PTGER3: variants seen among roughly 807,000 people sequenced by gnomAD.
The protein encoded by PTGER3 is prostaglandin E receptor 3, also known as prostaglandin E2 receptor EP3 subtype.
A neutral mutation model predicts 34.7 loss-of-function variants in PTGER3; 22 were observed. That is an observed-to-expected ratio of 0.63 (90% CI 0.45 to 0.91). The LOEUF (loss-of-function observed/expected upper bound fraction) is 0.91, where lower values mean the gene tolerates loss of function less well. PTGER3 is among the 40% of genes least tolerant of loss of function. The pLI, the probability that PTGER3 is intolerant of heterozygous loss-of-function variation, is 0.00. For missense variants in PTGER3, 468 were observed against 519.4 expected, an observed-to-expected ratio of 0.90 and a Z score of 0.96; for synonymous variants, 241 against 230.1, an observed-to-expected ratio of 1.05 and a Z score of -0.43.
At chr1:70,937,372 G>A (rs1649323824) in intron 4 of PTGER3, among the ~76,000 whole-genome samples, 1 of 152,188 alleles carries the variant, frequency 6.6e-6, no homozygotes, top group African/African-American at 2.4e-5. Flanking sequence ...CGGGCACTAG[G>A]TGTGGGGTTA....
intron 1 of PTGER3, among the ~76,000 whole-genome samples, chr1:71,037,616 T>C (rs1277315730): frequency 6.6e-6 from 1 of 152,172 alleles, no homozygotes; most frequent in Non-Finnish European, 1.5e-5. Flanking sequence ...ATATCTGAAA[T>C]AGTATGTCCA....
chr1:70,963,792 C>T (rs1050772642), intron 2 of PTGER3, among the ~76,000 whole-genome samples: 3 of 152,120 alleles, frequency 2.0e-5, no homozygotes, highest in Non-Finnish European at 2.9e-5. Flanking sequence ...ACATTGGGCT[C>T]CTGGTTACTT....
intron 4 of PTGER3, among the ~76,000 whole-genome samples, chr1:70,927,479 G>A (rs992728633): frequency 1.4e-4 from 22 of 152,268 alleles, no homozygotes; most frequent in Admixed American, 9.8e-4. Context: ...GGAATACCGT[G>A]ATAGAGAGGA....
chr1:70,944,699 T>C (rs534201200), intron 4 of PTGER3, among the ~76,000 whole-genome samples: 9 of 152,212 alleles, frequency 5.9e-5, no homozygotes, highest in African/African-American at 1.7e-4. Context: ...AAGTGGATGC[T>C]CAAGAACTTT....
intron 2 of PTGER3, among the ~76,000 whole-genome samples, chr1:70,955,397 A>C: frequency 6.6e-6 from 1 of 152,176 alleles, no homozygotes; most frequent in Admixed American, 6.5e-5. Flanking sequence ...TTCTAGAAAT[A>C]ACCTGATTCT....
At chr1:70,963,602 C>T (rs1438534351) in intron 2 of PTGER3, among the ~76,000 whole-genome samples, 8 of 152,196 alleles carry the variant, frequency 5.3e-5, no homozygotes, top group Non-Finnish European at 1.2e-4. Flanking sequence ...TGAACGGTAC[C>T]TTGGCTCCCT....
chr1:70,981,097 A>G (rs1654213743), intron 2 of PTGER3, among the ~76,000 whole-genome samples: 1 of 152,136 alleles, frequency 6.6e-6, no homozygotes, highest in African/African-American at 2.4e-5. Flanking sequence ...AATAGAAACA[A>G]AATTATGACA....
intron 4 of PTGER3, among the ~76,000 whole-genome samples, chr1:70,918,377 A>G (rs1647251002): frequency 6.6e-6 from 1 of 152,096 alleles, no homozygotes; most frequent in Non-Finnish European, 1.5e-5. Flanking sequence ...AGCACAGGCG[A>G]GCAACAAAAT....
chr1:71,027,058 C>T (rs1658988688), intron 1 of PTGER3, among the ~76,000 whole-genome samples: 1 of 152,120 alleles, frequency 6.6e-6, no homozygotes, highest in African/African-American at 2.4e-5. Context: ...TACTACTTAC[C>T]TTCTAGGGAG....
At chr1:70,888,361 AT>A (rs1646543246) in intron 4 of PTGER3, among the ~76,000 whole-genome samples, 2 of 152,120 alleles carry the variant, frequency 1.3e-5, no homozygotes, top group Admixed American at 6.5e-5. Flanking sequence ...TGTAGATCCT[AT>A]TTTTTTCAGC....
intron 2 of PTGER3, among the ~76,000 whole-genome samples, chr1:70,990,167 C>T (rs1655304081): frequency 6.6e-6 from 1 of 151,624 alleles, no homozygotes; most frequent in Admixed American, 6.6e-5. Flanking sequence ...ACCTGGCTAA[C>T]ACGGTGAAAC....
downstream of PTGER3, among the ~76,000 whole-genome samples, chr1:70,948,019 G>A (rs983658359): frequency 6.6e-6 from 1 of 152,150 alleles, no homozygotes; most frequent in Admixed American, 6.6e-5. Context: ...ATGGCTTTTA[G>A]CATAGTGAGT....
chr1:71,031,245 AACAC>A (rs56278148), intron 1 of PTGER3, among the ~76,000 whole-genome samples: 27,717 of 149,186 alleles, frequency 0.19, 2,904 homozygotes, highest in African/African-American at 0.29. Flanking sequence ...GTGGCAGGAA[AACAC>A]ACACACACAC....
At chr1:70,928,312 CAA>C (rs112676930) in intron 4 of PTGER3, among the ~76,000 whole-genome samples, 4 of 135,886 alleles carry the variant, frequency 2.9e-5, no homozygotes, top group Non-Finnish European at 3.2e-5. Context: ...CCTTTGATTA[CAA>C]AAAAAAAAAG....
At chr1:70,895,673 C>T (rs1646709426) in intron 4 of PTGER3, among the ~76,000 whole-genome samples, 1 of 152,198 alleles carries the variant, frequency 6.6e-6, no homozygotes, top group Non-Finnish European at 1.5e-5. Context: ...CAACCCATAG[C>T]ATACTTGCTG....
In PTGER3 at chr1:71,047,476, C is replaced by T. The variant is rs1032414881; in HGVS notation, c.102G>A (p.Arg34=). 2 of 1,608,520 alleles carry T rather than the reference C, an allele frequency of 1.2e-6. No individual in the cohort carries two copies. Among genetic ancestry groups the T allele is most frequent in the Non-Finnish European group, 1.7e-6 (2 of 1,178,534 alleles). ...ACCCTGGAGGGCGCGTGAGGTTGCC[C>T]CGCGCCTCGGCGGAACGCTCGGGCG... ...MWAPERSAEA[R]GNLTRPPGSG... is the part of the protein sequence containing the mutation. The change falls in exon 1 of 4, where the codon CGG becomes CGA. Residue 34 remains arginine (R), a synonymous_variant. Coordinates refer to ENST00000306666, the MANE Select transcript of PTGER3 (RefSeq NM_198719.2).
intron 2 of PTGER3, among the ~76,000 whole-genome samples, chr1:70,982,011 A>G (rs1036431849): frequency 3.3e-5 from 5 of 152,076 alleles, no homozygotes; most frequent in Admixed American, 6.5e-5. Flanking sequence ...CACTTTCTCC[A>G]TGAATACCTG....
intron 4 of PTGER3, among the ~76,000 whole-genome samples, chr1:70,942,839 C>T (rs1468679673): frequency 6.6e-6 from 1 of 152,088 alleles, no homozygotes; most frequent in East Asian, 1.9e-4. Context: ...TGTGCAGGCA[C>T]AGGACACAAA....
At chr1:70,896,211 A>C (rs1368904437) in intron 4 of PTGER3, among the ~76,000 whole-genome samples, 1 of 152,192 alleles carries the variant, frequency 6.6e-6, no homozygotes, top group Non-Finnish European at 1.5e-5. Context: ...TGAAGTCCTA[A>C]TCCGTAGTAT....
Sources: allele counts gnomAD v4.1 joint callset (sites outside exome capture counted in the v4.1 genomes callset), GRCh38; gene constraint gnomAD v4.1.1; transcripts MANE v1.5; gene names NCBI Gene and HGNC (gene_info 2026-07-23, HGNC 2026-07-21).